Variants in PIK3C2G observed in about 807,000 individuals in gnomAD.
The protein encoded by PIK3C2G is phosphatidylinositol-4-phosphate 3-kinase catalytic subunit type 2 gamma, also known as phosphatidylinositol 3-kinase C2 domain-containing subunit gamma.
A neutral mutation model predicts 181.1 loss-of-function variants in PIK3C2G; 168 were observed. That is an observed-to-expected ratio of 0.93 (90% confidence interval 0.82 to 1.05). PIK3C2G has a LOEUF of 1.05. PIK3C2G is among the 50% of genes least tolerant of loss of function. PIK3C2G has a pLI of 0.00. For synonymous variants in PIK3C2G, 573 were observed against 592.2 expected, an observed-to-expected ratio of 0.97 and a Z score of 0.47; for missense variants, 1,869 against 1,732.8, an observed-to-expected ratio of 1.08 and a Z score of -1.40.
At chr12:18,652,425 C>T (rs143688518), downstream of PIK3C2G, among the ~76,000 whole-genome samples, 101 of 152,228 alleles carry the variant, frequency 6.6e-4, no homozygotes, top group African/African-American at 2.4e-3. Context: ...GCAAAAGAGG[C>T]ATGGCAGAGA....
At chr12:18,650,549 A>G (rs1339356661), downstream of PIK3C2G, among the ~76,000 whole-genome samples, 1 of 149,964 alleles carries the variant, frequency 6.7e-6, no homozygotes, top group Non-Finnish European at 1.5e-5. Flanking sequence ...TACCATATAA[A>G]CACATGAAAG....
At chr12:18,352,359 A>C (rs1368387210) in intron 11 of PIK3C2G, among the ~76,000 whole-genome samples, 1 of 152,174 alleles carries the variant, frequency 6.6e-6, no homozygotes, top group African/African-American at 2.4e-5. Flanking sequence ...TGCAGGACTC[A>C]TGAAGGGGTT....
chr12:18,559,776 TTATATATATATATATATATATATATATA>T (rs369459549), intron 26 of PIK3C2G, among the ~76,000 whole-genome samples: 33 of 42,730 alleles, frequency 7.7e-4, no homozygotes, highest in African/African-American at 2.9e-3. Flanking sequence ...TTGTATGAAA[TTATATATATATATATATATATATATATA>T]TATATATATA....
chr12:18,382,503 G>A (rs557861253), intron 14 of PIK3C2G, among the ~76,000 whole-genome samples: 5 of 152,176 alleles, frequency 3.3e-5, no homozygotes, highest in East Asian at 3.9e-4. Flanking sequence ...TCTCATACAC[G>A]GAAATTCATG....
chr12:18,501,809 T>C (rs536900942), intron 22 of PIK3C2G, among the ~76,000 whole-genome samples: 56 of 152,252 alleles, frequency 3.7e-4, no homozygotes, highest in African/African-American at 1.3e-3. Context: ...TAGATCAACG[T>C]AGTTGGAAAA....
chr12:18,717,873 G>A, the PIK3C2G span, among the ~76,000 whole-genome samples: 2 of 152,160 alleles, frequency 1.3e-5, no homozygotes, highest in Non-Finnish European at 2.9e-5. Flanking sequence ...TACGCATTCA[G>A]TGGAAATCGC....
intron 29 of PIK3C2G, among the ~76,000 whole-genome samples, chr12:18,594,258 A>T (rs1238437844): frequency 6.6e-6 from 1 of 151,982 alleles, no homozygotes; most frequent in African/African-American, 2.4e-5. Context: ...GCACACTTGA[A>T]CCTCTTGAAG....
At chr12:18,648,536 C>G (rs976904111), downstream of PIK3C2G, 3 of 169,890 alleles carry the variant, frequency 1.8e-5, no homozygotes, top group Non-Finnish European at 3.8e-5. Flanking sequence ...TATTTTCTAT[C>G]AGAAAACCAA....
the PIK3C2G span, among the ~76,000 whole-genome samples, chr12:18,689,567 G>C: frequency 6.6e-6 from 1 of 152,124 alleles, no homozygotes; most frequent in South Asian, 2.1e-4. Context: ...GGTTTAGGGA[G>C]CATTGATCAA....
intron 18 of PIK3C2G, among the ~76,000 whole-genome samples, chr12:18,465,280 C>T (rs1937735432): frequency 6.6e-6 from 1 of 151,884 alleles, no homozygotes; most frequent in Admixed American, 6.6e-5. Context: ...ACAACCCAAA[C>T]AACTTGTTTC....
At chr12:18,400,315 C>T (rs1026346908) in intron 16 of PIK3C2G, among the ~76,000 whole-genome samples, 4 of 152,170 alleles carry the variant, frequency 2.6e-5, no homozygotes, top group Non-Finnish European at 4.4e-5. Flanking sequence ...GATCTTCACT[C>T]AGAATCAAAT....
intron 11 of PIK3C2G, among the ~76,000 whole-genome samples, chr12:18,356,093 A>G (rs1940702830): frequency 6.6e-6 from 1 of 152,006 alleles, no homozygotes; most frequent in South Asian, 2.1e-4. Flanking sequence ...TGACAACTAG[A>G]CCTCCAGGAA....
intron 1 of PIK3C2G, among the ~76,000 whole-genome samples, chr12:18,262,793 G>A (rs1045591877): frequency 6.6e-6 from 1 of 152,084 alleles, no homozygotes; most frequent in East Asian, 1.9e-4. Flanking sequence ...CCCTCTTCAA[G>A]TAAGCAAAAC....
rs553067832 is a variant in PIK3C2G at position 18,584,389 on chromosome 12, C to T, written c.4012-10105C>T. 1.4e-4 allele frequency among the ~76,000 whole-genome samples: 22 copies of T among 152,078 alleles called. No individual in the cohort carries two copies. The South Asian group carries it at 2.5e-3, about 17-fold the overall frequency. On this transcript the variant is annotated intron_variant, in intron 29 of 32. Coordinates refer to ENST00000538779, the MANE Select transcript of PIK3C2G (RefSeq NM_001288772.2). ...AGAAAAACATGCTAAAAGTATTTTA[C>T]GATACAATTACAAATATTAACAGCA... is the stretch of plus-strand genomic sequence containing the variant.
At chr12:18,495,877 T>G (rs1940963103) in intron 20 of PIK3C2G, among the ~76,000 whole-genome samples, 185 bp from the exon 21 acceptor site, 1 of 152,126 alleles carries the variant, frequency 6.6e-6, no homozygotes, top group African/African-American at 2.4e-5. Flanking sequence ...CTCCAGTTGA[T>G]GGACTAAATT....
intron 1 of PIK3C2G, among the ~76,000 whole-genome samples, chr12:18,263,222 A>C (rs1948325573): frequency 6.6e-6 from 1 of 152,102 alleles, no homozygotes; most frequent in Non-Finnish European, 1.5e-5. Context: ...AAGTTATTTA[A>C]AAATGTTTTT....
At chr12:18,483,186 G>T (rs1430220901) in intron 18 of PIK3C2G, among the ~76,000 whole-genome samples, 1 of 152,094 alleles carries the variant, frequency 6.6e-6, no homozygotes, top group Non-Finnish European at 1.5e-5. Flanking sequence ...GAAGTTTTTA[G>T]TTCCTAAGAA....
intron 23 of PIK3C2G, 31 bp from the exon 24 acceptor site, chr12:18,505,261 A>T (rs1172556382): frequency 5.9e-6 from 9 of 1,538,382 alleles, no homozygotes; most frequent in Middle Eastern, 1.7e-4. Flanking sequence ...TTTTGTTGTT[A>T]TTTTTGCATG....
At chr12:18,436,218 G>A (rs930259851) in intron 18 of PIK3C2G, among the ~76,000 whole-genome samples, 2 of 151,970 alleles carry the variant, frequency 1.3e-5, no homozygotes, top group African/African-American at 4.8e-5. Context: ...ATCCATACAT[G>A]ATTCCATGCA....
Sources: allele counts gnomAD v4.1 joint callset (sites outside exome capture counted in the v4.1 genomes callset), GRCh38; gene constraint gnomAD v4.1.1; transcripts MANE v1.5; gene names NCBI Gene and HGNC (gene_info 2026-07-23, HGNC 2026-07-21).